The following FHOD3 variants were observed in gnomAD, a reference collection of about 807,000 sequenced individuals.
The protein encoded by FHOD3 is formin homology 2 domain containing 3.
In FHOD3, 90 loss-of-function variants were observed where a neutral mutation model predicts 173.0. The observed-to-expected ratio is 0.52, with a 90% CI of 0.44 to 0.62. FHOD3 has a LOEUF of 0.62. Among genes scored for constraint, FHOD3 ranks in the 20% least tolerant of loss-of-function variants. The pLI is 0.00. For synonymous variants in FHOD3, 828 were observed against 823.0 expected, an observed-to-expected ratio of 1.01 and a Z score of -0.10; for missense variants, 1,945 against 2,034.7, an observed-to-expected ratio of 0.96 and a Z score of 0.85.
intron 6 of FHOD3, among the ~76,000 whole-genome samples, chr18:36,588,185 A>G (rs529582976): frequency 4.7e-4 from 72 of 152,296 alleles, no homozygotes; most frequent in African/African-American, 1.6e-3. Flanking sequence ...TGAGATTTGG[A>G]GTCTGGGATG....
chr18:36,772,851 T>C (rs1251826343), intron 28 of FHOD3, among the ~76,000 whole-genome samples: 1 of 152,224 alleles, frequency 6.6e-6, no homozygotes, highest in Non-Finnish European at 1.5e-5. Context: ...TGCCCCAGAT[T>C]CTATCCAAGG....
chr18:36,615,744 C>T (rs1016547290), intron 9 of FHOD3, among the ~76,000 whole-genome samples: 20 of 152,174 alleles, frequency 1.3e-4, no homozygotes, highest in African/African-American at 4.6e-4. Context: ...TTTTCTGCAC[C>T]GCTAGATCTC....
At chr18:36,565,694 T>C (rs1046421197) in intron 5 of FHOD3, among the ~76,000 whole-genome samples, 3 of 152,200 alleles carry the variant, frequency 2.0e-5, no homozygotes, top group Non-Finnish European at 2.9e-5. Context: ...CATTCTCAAA[T>C]GGCAAAATAT....
intron 14 of FHOD3, among the ~76,000 whole-genome samples, chr18:36,677,289 G>A (rs917831912): frequency 6.6e-6 from 1 of 152,042 alleles, no homozygotes. Context: ...CAGTAGCTGG[G>A]ATTACAGGCA....
chr18:36,581,018 AT>A (rs1341839680), intron 6 of FHOD3, among the ~76,000 whole-genome samples: 1 of 152,242 alleles, frequency 6.6e-6, no homozygotes, highest in African/African-American at 2.4e-5. Context: ...AGGCAACAAG[AT>A]GTGATTTTGC....
intron 14 of FHOD3, among the ~76,000 whole-genome samples, chr18:36,674,421 C>T (rs1408068505): frequency 6.6e-6 from 1 of 151,980 alleles, no homozygotes; most frequent in Non-Finnish European, 1.5e-5. Context: ...GCTCTGTCAC[C>T]CAGGCTGGAA....
chr18:36,520,051 T>A (rs188303351), intron 5 of FHOD3, among the ~76,000 whole-genome samples: 1 of 151,314 alleles, frequency 6.6e-6, no homozygotes, highest in East Asian at 2.0e-4. Context: ...CTCAGACTCC[T>A]GGGTCATGTG....
At chr18:36,343,269 C>T (rs975625401) in intron 1 of FHOD3, among the ~76,000 whole-genome samples, 1 of 152,132 alleles carries the variant, frequency 6.6e-6, no homozygotes, top group African/African-American at 2.4e-5. Flanking sequence ...TGTCCATCAA[C>T]TGAGGAATGG....
At position 36,555,397 on chromosome 18, in the gene FHOD3, AC is replaced by A. The variant is rs772457307; in HGVS notation, c.512-21053del. Among the ~76,000 whole-genome samples the A allele has an allele frequency of 4.3e-3, 649 of 150,366 alleles. 1 individual carries two copies. The highest frequency in any genetic ancestry group is 9.2e-3 in the African/African-American group (377 of 41,186). ...TAATTCCATTGTGGTAAAAAAAAAA[AC>A]AAAAAACATGCTTTATATGACTTCA... is the stretch of plus-strand genomic sequence containing the variant. On this transcript the variant is annotated intron_variant, in intron 5 of 28. Transcript: ENST00000590592.
chr18:36,687,084 G>C (rs1332001362), intron 15 of FHOD3, 44 bp from the exon 16 acceptor site: 1 of 1,442,480 alleles, frequency 6.9e-7, no homozygotes. Context: ...ATCTAATTCT[G>C]TTACTTTCTT....
At chr18:36,438,273 C>T (rs2050927911) in intron 3 of FHOD3, among the ~76,000 whole-genome samples, 2 of 152,212 alleles carry the variant, frequency 1.3e-5, no homozygotes, top group African/African-American at 4.8e-5. Context: ...CATTTCTCCG[C>T]TGACTCTGCC....
intron 1 of FHOD3, among the ~76,000 whole-genome samples, chr18:36,353,975 A>G (rs1159937729): frequency 1.4e-5 from 2 of 143,792 alleles, no homozygotes; most frequent in Non-Finnish European, 3.1e-5. Context: ...AGAAAAGAAA[A>G]GTGGACAGTT....
chr18:36,427,286 TAAAAAA>T (rs35854743), intron 3 of FHOD3, among the ~76,000 whole-genome samples: 1 of 79,480 alleles, frequency 1.3e-5, no homozygotes, highest in African/African-American at 4.6e-5. Flanking sequence ...CTTGCTTCTC[TAAAAAA>T]AAAAAAAAAA....
intron 17 of FHOD3, among the ~76,000 whole-genome samples, chr18:36,698,099 T>G (rs992982867): frequency 1.3e-5 from 2 of 152,196 alleles, no homozygotes; most frequent in Admixed American, 6.5e-5. Flanking sequence ...GTTCAGTGTT[T>G]CATGAATTGG....
At position 36,425,737 on chromosome 18, in the gene FHOD3, A is replaced by G. The variant is rs4613140; in HGVS notation, c.337+52993A>G. Among the ~76,000 whole-genome samples the G allele has an allele frequency of 4.1e-4, 62 of 152,258 alleles. No individual in the cohort carries two copies. The South Asian group carries it at 0.013, about 32-fold the overall frequency. On this transcript the variant is annotated intron_variant, in intron 3 of 28. Coordinates refer to ENST00000590592, the MANE Select transcript of FHOD3 (RefSeq NM_001281740.3). Reference sequence around the variant, plus strand: ...CTTTAGCACCAGTCATGCATATTTAATATATGTATATGGTTAATGCTCAGT... The same window carrying G: ...CTTTAGCACCAGTCATGCATATTTAGTATATGTATATGGTTAATGCTCAGT...
chr18:36,742,956 A>T, intron 22 of FHOD3, 100 bp downstream of exon 22: 1 of 1,444,144 alleles, frequency 6.9e-7, no homozygotes, highest in Non-Finnish European at 9.4e-7. Flanking sequence ...CCCAAAGCAC[A>T]GTGGAACAAA....
chr18:36,721,902 G>T lies in FHOD3; in HGVS notation c.3417+3187G>T, dbSNP rs140372395. ...CACAAAACAAAGAGAATTGGTTTTA[G>T]GTTTCATCAAAAAAAGTAACATTAG... On this transcript the variant is annotated intron_variant, in intron 19 of 28. Coordinates refer to ENST00000590592, the MANE Select transcript of FHOD3 (RefSeq NM_001281740.3). Among the ~76,000 whole-genome samples the T allele has an allele frequency of 4.6e-3, 697 of 152,208 alleles. 5 individuals are homozygous for T. The highest frequency in any genetic ancestry group is 0.015 in the African/African-American group (630 of 41,526).
intron 28 of FHOD3, among the ~76,000 whole-genome samples, chr18:36,771,366 A>G (rs542666238): frequency 3.3e-5 from 5 of 152,316 alleles, no homozygotes; most frequent in African/African-American, 1.2e-4. Context: ...GGCCAAGGCA[A>G]CGCTTCCATT....
chr18:36,702,931 T>C (rs16968198), intron 17 of FHOD3, among the ~76,000 whole-genome samples: 3,732 of 152,288 alleles, frequency 0.025, 160 homozygotes, highest in African/African-American at 0.085. Flanking sequence ...AGCCCGAGCT[T>C]TGCAGTCCAG....
Sources: allele counts gnomAD v4.1 joint callset (sites outside exome capture counted in the v4.1 genomes callset), GRCh38; gene constraint gnomAD v4.1.1; transcripts MANE v1.5; gene names NCBI Gene and HGNC (gene_info 2026-07-23, HGNC 2026-07-21).